Variants in PIGB observed in about 807,000 individuals in gnomAD.
PIGB encodes the protein GPI alpha-1,2-mannosyltransferase 3.
Under a neutral mutation model 68.4 loss-of-function variants are expected in PIGB, and 58 were observed. The ratio of observed to expected loss-of-function variants is 0.85; its 90% CI spans 0.69 to 1.06. PIGB has a LOEUF of 1.06. PIGB is among the 50% of genes least tolerant of loss of function. The pLI is 0.00. For missense variants in PIGB, 634 were observed against 655.8 expected (o/e 0.97, Z 0.36); for synonymous variants, 219 against 220.5 (o/e 0.99, Z 0.06).
chr15:55,327,764 T>A, intron 4 of PIGB, 129 bp downstream of exon 4: 1 of 672,726 alleles, frequency 1.5e-6, no homozygotes, highest in South Asian at 1.7e-5. Context: ...GGTACTTCCA[T>A]AAATAAGAAC....
chr15:55,344,886 T>A (rs934603459), intron 9 of PIGB, among the ~76,000 whole-genome samples: 5 of 148,532 alleles, frequency 3.4e-5, no homozygotes, highest in African/African-American at 1.3e-4. Flanking sequence ...TTCCATATTC[T>A]TATCTTTTTT....
rs1198820366 is a variant in PIGB, at chr15:55,355,409, T to C, written c.1642T>C (p.Phe548Leu). The change falls in exon 12 of 12, where the codon TTC becomes CTC. Residue 548 changes from phenylalanine to leucine, a missense_variant. Phe to Leu is a conservative substitution (Grantham distance 22). Transcript: ENST00000164305. Reference protein sequence around the residue: ...YVYERKLKGKFNMKMKF With the variant: ...YVYERKLKGKLNMKMKF ...CTATGAACGGAAGTTAAAAGGGAAATTCAACATGAAGATGAAATTCTGAAC... is the reference window on the plus strand; with the variant it reads ...CTATGAACGGAAGTTAAAAGGGAAACTCAACATGAAGATGAAATTCTGAAC... 1 of 1,607,358 alleles carries C rather than the reference T, an allele frequency of 6.2e-7. No homozygotes were observed. Among genetic ancestry groups the C allele is most frequent in the Non-Finnish European group, 8.5e-7 (1 of 1,177,510 alleles).
At chr15:55,324,032 T>C (rs144664389) in intron 3 of PIGB, among the ~76,000 whole-genome samples, 74,562 of 151,926 alleles carry the variant, frequency 0.49, 21,547 homozygotes, top group African/African-American at 0.79. Context: ...GGATTACAGG[T>C]GTCTGCCACC....
chr15:55,340,584 CTATTTA>C (rs1487409746), intron 7 of PIGB, 22 bp from the exon 8 acceptor site: 7 of 1,499,846 alleles, frequency 4.7e-6, no homozygotes, highest in Non-Finnish European at 6.4e-6. Flanking sequence ...TAACACATTT[CTATTTA>C]TTTTTCCTTC....
chr15:55,350,630 A>G, intron 9 of PIGB, 69 bp from the exon 10 acceptor site: 1 of 921,146 alleles, frequency 1.1e-6, no homozygotes, highest in Non-Finnish European at 1.7e-6. Context: ...TAAAAATTAC[A>G]GATGTATTTG....
At position 55,320,445 on chromosome 15, in the gene PIGB, GTGTATTCATCT is replaced by G. The variant is rs775460800; in HGVS notation, c.299+38_299+48del. The G allele has an allele frequency of 8.1e-6, 13 of 1,595,720 alleles. No homozygotes were observed. The South Asian group carries it at 1.3e-4, about 16-fold the overall frequency. On this transcript the variant is annotated intron_variant, in intron 2 of 11. Coordinates refer to ENST00000164305, the MANE Select transcript of PIGB (RefSeq NM_004855.5). ...GTGGTTTCTTTTCCAGACTATGAGT[GTGTATTCATCT>G]TGGAAATTGTGCTCAGTTTCTTTTA...
At chr15:55,327,404 T>C (rs948745571) in intron 3 of PIGB, 127 bp from the exon 4 acceptor site, 34 of 610,218 alleles carry the variant, frequency 5.6e-5, no homozygotes, top group African/African-American at 5.3e-4. Flanking sequence ...TAGAAAAATA[T>C]ATTGCCTATT....
intron 5 of PIGB, among the ~76,000 whole-genome samples, chr15:55,330,247 A>G (rs2055383964): frequency 6.6e-6 from 1 of 152,140 alleles, no homozygotes; most frequent in African/African-American, 2.4e-5. Flanking sequence ...CTTTAGCAAT[A>G]ATGAGGAGAC....
At chr15:55,330,000 A>G (rs1475153201) in intron 5 of PIGB, 146 bp downstream of exon 5, 1 of 572,622 alleles carries the variant, frequency 1.7e-6, no homozygotes, top group Non-Finnish European at 3.1e-6. Flanking sequence ...TATAGCAGAA[A>G]ACAGATAATA....
chr15:55,341,949 T>C (rs2055681209), intron 9 of PIGB, 147 bp downstream of exon 9: 1 of 366,102 alleles, frequency 2.7e-6, no homozygotes, highest in African/African-American at 2.1e-5. Context: ...TATTCCCTTT[T>C]TGTAGTCCAA....
chr15:55,326,927 G>A (rs1178189329), intron 3 of PIGB, among the ~76,000 whole-genome samples: 1 of 150,824 alleles, frequency 6.6e-6, no homozygotes, highest in Non-Finnish European at 1.5e-5. Flanking sequence ...AGTGGCTCAC[G>A]CTTGTAATCC....
chr15:55,323,327 T>G (rs1463642060), intron 3 of PIGB, among the ~76,000 whole-genome samples: 1 of 152,162 alleles, frequency 6.6e-6, no homozygotes, highest in Non-Finnish European at 1.5e-5. Flanking sequence ...ACAAACTGCA[T>G]AAGGCTTATG....
chr15:55,320,762 C>G (rs1008527479), intron 2 of PIGB, among the ~76,000 whole-genome samples: 2 of 152,092 alleles, frequency 1.3e-5, no homozygotes, highest in African/African-American at 4.8e-5. Context: ...TGACTCTGGG[C>G]AACTGAAACA....
chr15:55,326,225 A>C (rs2055281908), intron 3 of PIGB, among the ~76,000 whole-genome samples: 1 of 151,888 alleles, frequency 6.6e-6, no homozygotes, highest in Admixed American at 6.6e-5. Context: ...GTCTCAAAAA[A>C]AAAAAAAGTA....
At chr15:55,352,477 C>T (rs888968756) in intron 10 of PIGB, among the ~76,000 whole-genome samples, 1 of 152,110 alleles carries the variant, frequency 6.6e-6, no homozygotes, top group Admixed American at 6.5e-5. Flanking sequence ...GCAAAGGAGC[C>T]AGATTTCCTA....
chr15:55,338,116 C>T (rs138784653), intron 6 of PIGB, among the ~76,000 whole-genome samples: 1 of 152,256 alleles, frequency 6.6e-6, no homozygotes, highest in African/African-American at 2.4e-5. Context: ...ATGGCAGGTA[C>T]ACAGTTGTGT....
Position 55,340,455 on chromosome 15 carries a change from TAAA to T in PIGB, c.847-138_847-136del, listed in dbSNP as rs377443578. On this transcript the variant is annotated intron_variant, in intron 7 of 11. Transcript: ENST00000164305. ...TGGGCGACAGAGCAAGACTCCATCT[TAAA>T]AAAAAAAAAAAAAAAAAATTATTAA... 1,601 of 314,130 alleles carry T rather than the reference TAAA, an allele frequency of 5.1e-3. 3 individuals carry two copies. The highest frequency in any genetic ancestry group is 9.2e-3 in the Middle Eastern group (9 of 980). The allele number at this position is 314,130 out of a possible 1,614,324, so 19.5% of individuals were successfully genotyped here. A position where few individuals can be genotyped will look rare whatever the true frequency, so the allele number is the denominator to read the frequency against.
intron 2 of PIGB, 41 bp from the exon 3 acceptor site, chr15:55,321,232 G>A: frequency 6.7e-7 from 1 of 1,487,974 alleles, no homozygotes; most frequent in Non-Finnish European, 9.0e-7. Flanking sequence ...CACGGAAATA[G>A]GTTTCAATAT....
chr15:55,334,702 TAG>T (rs2141187443), intron 6 of PIGB, among the ~76,000 whole-genome samples: 1 of 152,292 alleles, frequency 6.6e-6, no homozygotes, highest in African/African-American at 2.4e-5. Context: ...TAGTGTACTT[TAG>T]TTTCTCTGTT....
Sources: allele counts gnomAD v4.1 joint callset (sites outside exome capture counted in the v4.1 genomes callset), GRCh38; gene constraint gnomAD v4.1.1; transcripts MANE v1.5; gene names NCBI Gene and HGNC (gene_info 2026-07-23, HGNC 2026-07-21).